The following CPSF2 variants were observed in gnomAD, a reference collection of about 807,000 sequenced individuals.
CPSF2 encodes the protein cleavage and polyadenylation specificity factor subunit 2.
A neutral mutation model predicts 84.2 loss-of-function variants in CPSF2; 51 were observed. The observed-to-expected ratio is 0.61, with a 90% CI of 0.48 to 0.77. The LOEUF is 0.77. Ranked by LOEUF, CPSF2 falls within the 30% of genes least tolerant of loss-of-function variation. The pLI is 0.00. For synonymous variants in CPSF2, 286 were observed against 311.9 expected (o/e 0.92, Z 0.87); for missense variants, 641 against 929.4 (o/e 0.69, Z 4.03).
chr14:92,153,690 C>G (rs2069250135), intron 9 of CPSF2, among the ~76,000 whole-genome samples: 1 of 146,626 alleles, frequency 6.8e-6, no homozygotes, highest in African/African-American at 2.5e-5. Flanking sequence ...CAGGTGCATG[C>G]TACCACTACT....
chr14:92,124,567 A>G (rs546224499), intron 1 of CPSF2, among the ~76,000 whole-genome samples: 4 of 152,326 alleles, frequency 2.6e-5, no homozygotes, highest in Middle Eastern at 3.4e-3. Flanking sequence ...GATGGTGCCA[A>G]CCTGCACTTT....
At position 92,159,016 on chromosome 14, in the gene CPSF2, C is replaced by A; in HGVS notation, c.1855C>A (p.Gln619Lys). Residue 619 changes from glutamine (Q) to lysine (K), a missense_variant, in exon 14 of 16, where the codon CAG becomes AAG. Transcript: ENST00000298875. ...RLKDSLVSSL[Q>K]FCKAKDAELA... ...AAAAGACTCACTTGTCAGCTCTCTT[C>A]AGTTTTGTAAGGCAAAAGATGCTGA... 6.2e-7 allele frequency: 1 copy of A among 1,613,862 alleles called. No homozygotes were observed. Among genetic ancestry groups the A allele is most frequent in the Non-Finnish European group, 8.5e-7 (1 of 1,179,882 alleles).
intron 11 of CPSF2, among the ~76,000 whole-genome samples, chr14:92,155,819 A>G (rs2069282121): frequency 6.6e-6 from 1 of 151,982 alleles, no homozygotes; most frequent in African/African-American, 2.4e-5. Context: ...TTTCCAATGG[A>G]TTATGTCTTA....
intron 9 of CPSF2, among the ~76,000 whole-genome samples, chr14:92,149,031 C>T (rs12889045): frequency 9.2e-5 from 14 of 152,034 alleles, no homozygotes; most frequent in African/African-American, 3.1e-4. Context: ...TATTTAATCT[C>T]GTGGTTCTCA....
At chr14:92,124,644 A>C (rs375712868) in intron 1 of CPSF2, among the ~76,000 whole-genome samples, 1 of 152,198 alleles carries the variant, frequency 6.6e-6, no homozygotes, top group Non-Finnish European at 1.5e-5. Context: ...CTAGATCTGC[A>C]CTGTTATGGT....
rs938427566 is a variant in CPSF2 at position 92,159,993 on chromosome 14, C to T, written c.2121+711C>T. Among the ~76,000 whole-genome samples, 5 of 151,592 alleles carry T rather than the reference C, an allele frequency of 3.3e-5. No individual in the cohort carries two copies. The South Asian group carries it at 8.3e-4, about 25-fold the overall frequency. On this transcript the variant is annotated intron_variant, in intron 14 of 15. Coordinates refer to ENST00000298875, the MANE Select transcript of CPSF2 (RefSeq NM_017437.3). Reference sequence around the variant, plus strand: ...TGTTTTGTTTTTTGAGATGGAGTCTCGCTCTGTTGCCCAGGATTGAGTGCA... The same window carrying T: ...TGTTTTGTTTTTTGAGATGGAGTCTTGCTCTGTTGCCCAGGATTGAGTGCA...
At chr14:92,138,670 T>C (rs1368127521) in intron 7 of CPSF2, among the ~76,000 whole-genome samples, 2 of 152,166 alleles carry the variant, frequency 1.3e-5, no homozygotes, top group African/African-American at 4.8e-5. Context: ...CCTCAGGTGA[T>C]CCACCTGCCT....
intron 6 of CPSF2, among the ~76,000 whole-genome samples, chr14:92,136,857 G>T (rs1184212293): frequency 2.6e-5 from 4 of 152,042 alleles, no homozygotes; most frequent in Admixed American, 2.0e-4. Context: ...TATAACAAAA[G>T]AAATTTCAGA....
rs2069502556 is a variant in CPSF2, at chr14:92,170,360, G to A, written c.*8616G>A. 6.6e-6 allele frequency: 1 copy of A among 152,076 alleles called. No homozygotes were observed. Among genetic ancestry groups the A allele is most frequent in the African/African-American group, 2.4e-5 (1 of 41,412 alleles). 9.4% of individuals were successfully genotyped at this position (152,076 alleles called of 1,614,324 possible). A position where few individuals can be genotyped will look rare whatever the true frequency, so the allele number is the denominator to read the frequency against. ...TTTTTGAACTGTTTGTTACTAAGTT[G>A]CAATTGTGATGTCCCATTAGTACTA... is the stretch of plus-strand genomic sequence containing the variant. On this transcript the variant is annotated 3_prime_UTR_variant, in exon 16 of 16. Coordinates refer to ENST00000298875, the MANE Select transcript of CPSF2 (RefSeq NM_017437.3).
At chr14:92,125,845 G>A (rs1037861475) in intron 1 of CPSF2, among the ~76,000 whole-genome samples, 2 of 151,880 alleles carry the variant, frequency 1.3e-5, no homozygotes, top group Admixed American at 6.6e-5. Flanking sequence ...TCCTTAGTGA[G>A]TAATCTTAAA....
chr14:92,128,660 G>A (rs2068874006), intron 2 of CPSF2, among the ~76,000 whole-genome samples: 1 of 151,934 alleles, frequency 6.6e-6, no homozygotes, highest in Admixed American at 6.6e-5. Flanking sequence ...TGAAGGTGAG[G>A]ACCTGAGTAA....
rs776961706 is a variant in CPSF2, at chr14:92,142,315, T to C, written c.813T>C (p.Asn271=). The change falls in exon 8 of 16, where the codon AAT becomes AAC. Residue 271 remains asparagine (N), a synonymous_variant. Transcript: ENST00000298875. ...LGVYSLALLN[N]VSYNVVEFSK... is the part of the protein sequence containing the mutation. Reference sequence around the variant, plus strand: ...TTTACTCATTGGCACTCCTAAATAATGTCAGTTACAATGTGGTGGAGTTTT... The same window carrying C: ...TTTACTCATTGGCACTCCTAAATAACGTCAGTTACAATGTGGTGGAGTTTT... The C allele has an allele frequency of 1.2e-6, 2 of 1,613,514 alleles. No homozygotes were observed. Among genetic ancestry groups the C allele is most frequent in the Non-Finnish European group, 1.7e-6 (2 of 1,179,624 alleles).
At chr14:92,141,701 G>A (rs2069080883) in intron 7 of CPSF2, among the ~76,000 whole-genome samples, 1 of 152,066 alleles carries the variant, frequency 6.6e-6, no homozygotes, top group Non-Finnish European at 1.5e-5. Context: ...GTACCCATGG[G>A]TACTGAGGGA....
rs994803364 is a variant in CPSF2, at chr14:92,164,736, A to G, written c.*2992A>G. 1.3e-5 allele frequency: 2 copies of G among 152,238 alleles called. No individual in the cohort carries two copies. The highest frequency in any genetic ancestry group is 2.9e-5 in the Non-Finnish European group (2 of 68,042). The allele number at this position is 152,238 out of a possible 1,614,324, so 9.4% of individuals were successfully genotyped here. ...GCCTGAAACAGAAGTGAGGAAATCA[A>G]TTTTTTAAGGTGAGCCATTTGGCTT... On this transcript the variant is annotated 3_prime_UTR_variant, in exon 16 of 16. Transcript: ENST00000298875.
At chr14:92,129,694 C>G (rs72691114) in intron 2 of CPSF2, among the ~76,000 whole-genome samples, 1,988 of 151,914 alleles carry the variant, frequency 0.013, 20 homozygotes, top group Middle Eastern at 0.024. Context: ...GTTCTAAATC[C>G]CATTTTTAAA....
At chr14:92,146,052 T>C (rs967376295) in intron 9 of CPSF2, among the ~76,000 whole-genome samples, 9 of 152,184 alleles carry the variant, frequency 5.9e-5, no homozygotes, top group African/African-American at 2.2e-4. Flanking sequence ...AATTTGGAAG[T>C]TTAAAAAATG....
intron 9 of CPSF2, among the ~76,000 whole-genome samples, chr14:92,151,088 T>A (rs2069209452): frequency 6.6e-6 from 1 of 152,048 alleles, no homozygotes; most frequent in Non-Finnish European, 1.5e-5. Flanking sequence ...AATTAAAAGA[T>A]CCATTCAAAA....
In CPSF2 at chr14:92,133,871, G is replaced by C. The variant is rs2068966492; in HGVS notation, c.150-140G>C. ...CAGGTAGTAATAATTGAAATTCATA[G>C]GTAATCATAATTTTAGCTCTTAGTT... is the stretch of plus-strand genomic sequence containing the variant. On this transcript the variant is annotated intron_variant, in intron 3 of 15. Coordinates refer to ENST00000298875, the MANE Select transcript of CPSF2 (RefSeq NM_017437.3). 6.4e-6 allele frequency: 5 copies of C among 781,154 alleles called. No individual in the cohort carries two copies. In the South Asian group the frequency reaches 8.5e-5, roughly 13 times the overall value. The allele number at this position is 781,154 out of a possible 1,614,324, so 48.4% of individuals were successfully genotyped here.
At chr14:92,159,338 T>G in intron 14 of CPSF2, 56 bp downstream of exon 14, 1 of 1,440,036 alleles carries the variant, frequency 6.9e-7, no homozygotes, top group East Asian at 2.3e-5. Flanking sequence ...CCTTCTAGTT[T>G]TCATGTCTTT....
Sources: allele counts gnomAD v4.1 joint callset (sites outside exome capture counted in the v4.1 genomes callset), GRCh38; gene constraint gnomAD v4.1.1; transcripts MANE v1.5; gene names NCBI Gene and HGNC (gene_info 2026-07-23, HGNC 2026-07-21).